TTN: variants seen among roughly 807,000 people sequenced by gnomAD.
The protein encoded by TTN is titin, also known as connectin.
Under a neutral mutation model 3,223.0 loss-of-function variants are expected in TTN, and 1,525 were observed. The ratio of observed to expected loss-of-function variants is 0.47; its 90% CI spans 0.45 to 0.49. TTN has a LOEUF of 0.49. Ranked by LOEUF, TTN falls within the 20% of genes least tolerant of loss-of-function variation. The pLI, the probability that TTN is intolerant of heterozygous loss-of-function variation, is 0.00. For synonymous variants in TTN, 14,094 were observed against 15,161.0 expected, an observed-to-expected ratio of 0.93 and a Z score of 5.17; for missense variants, 40,786 against 43,424.0, an observed-to-expected ratio of 0.94 and a Z score of 5.40.
chr2:178,619,219 G>A (rs938505123), intron 250 of TTN: 7 of 355,032 alleles, frequency 2.0e-5, no homozygotes, highest in African/African-American at 1.5e-4. Flanking sequence ...TGAATGAGAG[G>A]TACACTAATG....
Position 178,756,602 on chromosome 2 carries a change from G to A in TTN, c.10874C>T (p.Ala3625Val). 1.9e-6 allele frequency: 3 copies of A among 1,613,366 alleles called. No homozygotes were observed. In the South Asian group the frequency reaches 3.3e-5, roughly 18 times the overall value. Reference protein sequence around the residue: ...SVSQSSIHTAASVQDTQLCHT... With the variant: ...SVSQSSIHTAVSVQDTQLCHT... ...GCACAACTGTGTATCTTGAACAGAT[G>A]CAGCTGTGTGGATGGAACTTTGAGA... is the stretch of plus-strand genomic sequence containing the variant. Residue 3625 changes from alanine (A) to valine (V), a missense_variant, in exon 46 of 363, where the codon GCA becomes GTA. By Grantham distance (64) the Ala-to-Val change is moderately conservative (BLOSUM62 0). Coordinates refer to ENST00000589042, the MANE Select transcript of TTN (RefSeq NM_001267550.2).
intron 33 of TTN, 145 bp downstream of exon 33, chr2:178,772,964 G>C: frequency 1.0e-6 from 1 of 961,788 alleles, no homozygotes; most frequent in African/African-American, 1.6e-5. Flanking sequence ...GGTGGGAATG[G>C]TGTTGCAAGT....
chr2:178,735,837 G>A lies in TTN; in HGVS notation c.14609C>T (p.Ser4870Phe). The part of the protein sequence containing the change: ...QDRGVYSCKA[S>F]NKFGADICQA... ...GCAGATGTCTGCTCCAAACTTGTTG[G>A]AAGCCTTACAAGAATAAACTCCTCT... is the stretch of plus-strand genomic sequence containing the variant. Residue 4870 changes from serine to phenylalanine, a missense_variant, in exon 50 of 363, where the codon TCC becomes TTC. Ser to Phe is a radical substitution (Grantham distance 155, BLOSUM62 -2). Transcript: ENST00000589042. The A allele has an allele frequency of 6.2e-7, 1 of 1,613,738 alleles. No homozygotes were observed.
In TTN at chr2:178,561,572, A is replaced by G. The variant is rs1221889321; in HGVS notation, c.84560T>C (p.Ile28187Thr). 1 of 1,613,318 alleles carries G rather than the reference A, an allele frequency of 6.2e-7. No homozygotes were observed. Among genetic ancestry groups the G allele is most frequent in the Non-Finnish European group, 8.5e-7 (1 of 1,179,578 alleles). Residue 28187 changes from isoleucine to threonine, a missense_variant, in exon 326 of 363, where the codon ATT (isoleucine) becomes ACT (threonine). Coordinates refer to ENST00000589042, the MANE Select transcript of TTN (RefSeq NM_001267550.2). ...VPVNDGGSRV[I>T]GYHLEYKERS... ...TTCTTTATACTCAAGATGATAGCCA[A>G]TTACTCGACTTCCTCCATCATTAAC...
At chr2:178,707,458 T>C in intron 100 of TTN, 68 bp downstream of exon 100, 1 of 1,469,064 alleles carries the variant, frequency 6.8e-7, no homozygotes, top group Non-Finnish European at 9.1e-7. Flanking sequence ...TCTAGGGAAA[T>C]CATAATAAGC....
chr2:178,646,518 G>A lies in TTN; in HGVS notation c.40264C>T (p.Pro13422Ser). The change falls in exon 216 of 363, where the codon CCT (proline) becomes TCT (serine). Residue 13422 changes from proline to serine, a missense_variant. Transcript: ENST00000589042. ...EKYIKPEEPE[P>S]EPQPEEIPVK... ...GGTATTTCTTCAGGCTGTGGTTCAG[G>A]TTCGGGCTCTTCAGGTTTAATATAC... is the stretch of plus-strand genomic sequence containing the variant. 1.3e-6 allele frequency: 2 copies of A among 1,548,000 alleles called. No individual in the cohort carries two copies. The highest frequency in any genetic ancestry group is 1.7e-6 in the Non-Finnish European group (2 of 1,145,250).
At chr2:178,542,619 G>A in intron 348 of TTN, 43 bp downstream of exon 348, 10 of 1,597,726 alleles carry the variant, frequency 6.3e-6, no homozygotes, top group Non-Finnish European at 8.6e-6. Flanking sequence ...AAAATTGGGT[G>A]ACTGAACATC....
At chr2:178,761,317 A>G (rs1029923159) in intron 43 of TTN, among the ~76,000 whole-genome samples, 6 of 152,136 alleles carry the variant, frequency 3.9e-5, no homozygotes, top group Non-Finnish European at 7.4e-5. Flanking sequence ...TGATCATGGT[A>G]CCCAGGGGCT....
chr2:178,554,315 T>G, intron 332 of TTN, 99 bp from the exon 333 acceptor site: 1 of 1,453,882 alleles, frequency 6.9e-7, no homozygotes, highest in Non-Finnish European at 9.3e-7. Flanking sequence ...TGGTTTTATT[T>G]TTTATATTTT....
Position 178,649,810 on chromosome 2 carries a change from TGA to T in TTN, c.39895+5_39895+6del. The T allele has an allele frequency of 6.2e-7, 1 of 1,611,250 alleles. No homozygotes were observed. The highest frequency in any genetic ancestry group is 8.5e-7 in the Non-Finnish European group (1 of 1,179,012). ...CAAAAATGAAGTATTCATTTTAACATGAGTACCTTTAGGAGGCGGTGCTTCTG... is the reference window on the plus strand; with the variant it reads ...CAAAAATGAAGTATTCATTTTAACATGTACCTTTAGGAGGCGGTGCTTCTG... On this transcript the variant is annotated splice_donor_5th_base_variant and intron_variant, in intron 211 of 362. Coordinates refer to ENST00000589042, the MANE Select transcript of TTN (RefSeq NM_001267550.2).
Position 178,568,610 on chromosome 2 carries a change from G to A in TTN, c.77522C>T (p.Thr25841Ile). ...WTKDGLPLKQ[T>I]TRINVTDSLD... ...TGAATCGGTAACATTGATTCTTGTG[G>A]TCTGCTTCAGTGGGAGACCATCTTT... The change falls in exon 326 of 363, where the codon ACC becomes ATC. Residue 25841 changes from threonine to isoleucine, a missense_variant. Physicochemically the swap from Thr to Ile is moderately conservative, Grantham distance 89. Coordinates refer to ENST00000589042, the MANE Select transcript of TTN (RefSeq NM_001267550.2). The A allele has an allele frequency of 6.2e-7, 1 of 1,613,382 alleles. No individual in the cohort carries two copies. The highest frequency in any genetic ancestry group is 1.3e-5 in the African/African-American group (1 of 74,972).
chr2:178,553,345 T>C lies in TTN; in HGVS notation c.89555A>G (p.Lys29852Arg), dbSNP rs771570602. 6.2e-7 allele frequency: 1 copy of C among 1,602,180 alleles called. No individual in the cohort carries two copies. Among genetic ancestry groups the C allele is most frequent in the Non-Finnish European group, 8.5e-7 (1 of 1,176,578 alleles). The change falls in exon 335 of 363, where the codon AAA becomes AGA. Residue 29852 changes from lysine to arginine, a missense_variant. Coordinates refer to ENST00000589042, the MANE Select transcript of TTN (RefSeq NM_001267550.2). ...CAACACTTGTACATCTTCACCAGCT[T>C]TGGCAATAACAGAAGTTCTGAGAGC... ...DVALRTSVIA[K>R]AGEDVQVLIP...
rs766945794 is a variant in TTN at position 178,672,653 on chromosome 2, C to G, written c.34837G>C (p.Glu11613Gln). Residue 11613 changes from glutamate (E) to glutamine (Q), a missense_variant, in exon 153 of 363, where the codon GAG becomes CAG. By Grantham distance (29) the Glu-to-Gln change is conservative. Transcript: ENST00000589042. Reference sequence around the variant, plus strand: ...GATGTACCTTTGGCTGGGGGTGCCTCTTTTTTCTGAACAGGAACAGGTACT... The same window carrying G: ...GATGTACCTTTGGCTGGGGGTGCCTGTTTTTTCTGAACAGGAACAGGTACT... Reference protein sequence around the residue: ...EKVPVPVQKKEAPPAKVPEVP... With the variant: ...EKVPVPVQKKQAPPAKVPEVP... The G allele has an allele frequency of 6.2e-7, 1 of 1,610,768 alleles. No homozygotes were observed.
intron 243 of TTN, 73 bp downstream of exon 243, chr2:178,622,597 T>C (rs930730338): frequency 1.0e-5 from 13 of 1,276,814 alleles, no homozygotes; most frequent in Admixed American, 7.8e-5. Context: ...CTTTTTTTTT[T>C]CCATTTTGGC....
Position 178,630,264 on chromosome 2 carries a change from G to T in TTN, c.44258C>A (p.Ser14753Tyr). ...GVDFQAANVKSSAHLRVKPRV... is the reference protein window; with the variant it reads ...GVDFQAANVKYSAHLRVKPRV... ...ACGCTTAACTCGGAGGTGGGCACTA[G>T]ATTTAACATTGGCAGCTTGGAAATC... The change falls in exon 239 of 363, where the codon TCT becomes TAT. Residue 14753 changes from serine to tyrosine, a missense_variant. Ser to Tyr is a moderately radical substitution (Grantham distance 144). Transcript: ENST00000589042. 1 of 1,613,168 alleles carries T rather than the reference G, an allele frequency of 6.2e-7. No homozygotes were observed. The highest frequency in any genetic ancestry group is 8.5e-7 in the Non-Finnish European group (1 of 1,179,434).
At position 178,614,090 on chromosome 2, in the gene TTN, G is replaced by A; in HGVS notation, c.49307C>T (p.Pro16436Leu). 1 of 1,612,392 alleles carries A rather than the reference G, an allele frequency of 6.2e-7. No individual in the cohort carries two copies. The highest frequency in any genetic ancestry group is 8.5e-7 in the Non-Finnish European group (1 of 1,179,212). The change falls in exon 262 of 363, where the codon CCA becomes CTA. Residue 16436 changes from proline (P) to leucine (L), a missense_variant. By Grantham distance (98) the Pro-to-Leu change is moderately conservative. Coordinates refer to ENST00000589042, the MANE Select transcript of TTN (RefSeq NM_001267550.2). ...GGCTGTTATTGGAGAGGCCTGAACTGGTTCACCAACACCATACATGTTTTC... is the reference window on the plus strand; with the variant it reads ...GGCTGTTATTGGAGAGGCCTGAACTAGTTCACCAACACCATACATGTTTTC... ...AAENMYGVGE[P>L]VQASPITAKY...
chr2:178,530,872 T>G lies in TTN; in HGVS notation c.105743A>C (p.Lys35248Thr). 6.2e-7 allele frequency: 1 copy of G among 1,613,920 alleles called. No homozygotes were observed. The highest frequency in any genetic ancestry group is 8.5e-7 in the Non-Finnish European group (1 of 1,179,882). The change falls in exon 358 of 363, where the codon AAG (lysine) becomes ACG (threonine). Residue 35248 changes from lysine to threonine, a missense_variant. Coordinates refer to ENST00000589042, the MANE Select transcript of TTN (RefSeq NM_001267550.2). ...TGGAGATTTCACTCGTTTTGGAGAC[T>G]TAACTGCTTCTGGGGATTTCACCCG... The part of the protein sequence containing the change: ...EPRVKSPEAV[K>T]SPKRVKSPEP...
rs781752797 is a variant in TTN, at chr2:178,714,344, C to G, written c.26430G>C (p.Gln8810His). The stretch of plus-strand genomic sequence containing the variant: ...CTTGCATCCCAGCATCGTTTTTGAT[C>G]TGACAAGTGTATTTTCCAGCATTGG... ...EPANAGKYTCQIKNDAGMQEC... is the reference protein window; with the variant it reads ...EPANAGKYTCHIKNDAGMQEC... The change falls in exon 91 of 363, where the codon CAG (glutamine) becomes CAC (histidine). Residue 8810 changes from glutamine (Q) to histidine (H), a missense_variant. By Grantham distance (24) the Gln-to-His change is conservative. Coordinates refer to ENST00000589042, the MANE Select transcript of TTN (RefSeq NM_001267550.2). 14 of 1,613,688 alleles carry G rather than the reference C, an allele frequency of 8.7e-6. No homozygotes were observed. Among genetic ancestry groups the G allele is most frequent in the Non-Finnish European group, 2.5e-6 (3 of 1,179,716 alleles).
In TTN at chr2:178,696,207, T is replaced by C. The variant is rs749872730; in HGVS notation, c.30865A>G (p.Lys10289Glu). The change falls in exon 114 of 363, where the codon AAG becomes GAG. Residue 10289 changes from lysine (K) to glutamate (E), a missense_variant. Physicochemically the swap from Lys to Glu is moderately conservative, Grantham distance 56. Transcript: ENST00000589042. Reference protein sequence around the residue: ...EEVKIMTITRKKEVQKEKEAV... With the variant: ...EEVKIMTITREKEVQKEKEAV... Reference sequence around the variant, plus strand: ...TCTTTTTCTTTCTGAACCTCTTTCTTTCTGGTTATAGTCATTATTTTTACT... The same window carrying C: ...TCTTTTTCTTTCTGAACCTCTTTCTCTCTGGTTATAGTCATTATTTTTACT... 1.3e-6 allele frequency: 2 copies of C among 1,565,446 alleles called. No individual in the cohort carries two copies. Among genetic ancestry groups the C allele is most frequent in the South Asian group, 2.3e-5 (2 of 85,198 alleles).
Sources: allele counts gnomAD v4.1 joint callset (sites outside exome capture counted in the v4.1 genomes callset), GRCh38; gene constraint gnomAD v4.1.1; transcripts MANE v1.5; gene names NCBI Gene and HGNC (gene_info 2026-07-23, HGNC 2026-07-21).